The following VPS4A variants were observed in gnomAD, a reference collection of about 807,000 sequenced individuals.
VPS4A encodes the protein vacuolar protein sorting-associated protein 4A.
VPS4A carries 20 observed loss-of-function variants against 52.3 expected under a neutral mutation model. The observed-to-expected ratio is 0.38, with a 90% confidence interval of 0.27 to 0.56. The LOEUF (loss-of-function observed/expected upper bound fraction) is 0.56, where lower values mean the gene tolerates loss of function less well. Ranked by LOEUF, VPS4A falls within the 20% of genes least tolerant of loss-of-function variation. The pLI, the probability that VPS4A is intolerant of heterozygous loss-of-function variation, is 0.72. For synonymous variants in VPS4A, 293 were observed against 227.7 expected (o/e 1.29, Z -2.58); for missense variants, 419 against 575.9 (o/e 0.73, Z 2.79).
rs972089006 is a variant in VPS4A at position 69,321,348 on chromosome 16, G to C, written c.1071+78G>C. Reference sequence around the variant, plus strand: ...TCGGTTTTTTTTTTCCCAGCTCCTGGTCCTGCTCCCCGGCTGCTCAGGTGA... The same window carrying C: ...TCGGTTTTTTTTTTCCCAGCTCCTGCTCCTGCTCCCCGGCTGCTCAGGTGA... On this transcript the variant is annotated intron_variant, in intron 9 of 10. Transcript: ENST00000254950. The surrounding 1 kb of genome is among the most constrained non-coding windows in gnomAD (Gnocchi z 4.5). The C allele has an allele frequency of 3.7e-5, 54 of 1,468,232 alleles. No individual in the cohort carries two copies. Among genetic ancestry groups the C allele is most frequent in the Non-Finnish European group, 4.6e-5 (50 of 1,086,570 alleles). 91.0% of individuals were successfully genotyped at this position (1,468,232 alleles called of 1,614,324 possible).
In VPS4A at chr16:69,318,750, A is replaced by T. The variant is rs533526482; in HGVS notation, c.343+39A>T. 15 of 1,613,150 alleles carry T rather than the reference A, an allele frequency of 9.3e-6. No individual in the cohort carries two copies. The South Asian group carries it at 9.9e-5, about 11-fold the overall frequency. On this transcript the variant is annotated intron_variant, in intron 4 of 10. Transcript: ENST00000254950. ...GGCCCTGTGGCAGCGGCAGGGGATGAGAGTGGGTCCGCTGCTGGGTTGGCT... is the reference window on the plus strand; with the variant it reads ...GGCCCTGTGGCAGCGGCAGGGGATGTGAGTGGGTCCGCTGCTGGGTTGGCT...
intron 1 of VPS4A, among the ~76,000 whole-genome samples, chr16:69,312,760 C>G (rs1464428518): frequency 6.6e-6 from 1 of 151,742 alleles, no homozygotes; most frequent in East Asian, 1.9e-4. Flanking sequence ...TTACGGGCAC[C>G]CGCAACCACG....
At position 69,321,183 on chromosome 16, in the gene VPS4A, C is replaced by A; in HGVS notation, c.984C>A (p.Gly328=). Residue 328 remains glycine (G), a synonymous_variant, in exon 9 of 11, where the codon GGC becomes GGA. Coordinates refer to ENST00000254950, the MANE Select transcript of VPS4A (RefSeq NM_013245.3). This position sits in a 1 kb window ranked among gnomAD's most constrained non-coding sequence, Gnocchi z 4.5. ...ACGAGCTGGCCCGGAAGACGGAAGG[C>A]TACTCGGGCGCGGACATCAGCATCA... The part of the protein sequence containing the change: ...NIHELARKTE[G]YSGADISIIV... 1 of 1,575,318 alleles carries A rather than the reference C, an allele frequency of 6.3e-7. No homozygotes were observed. Among genetic ancestry groups the A allele is most frequent in the South Asian group, 1.2e-5 (1 of 85,512 alleles).
chr16:69,316,037 A>G lies in VPS4A; in HGVS notation c.51A>G (p.Thr17=), dbSNP rs1275396126. 3 of 1,613,604 alleles carry G rather than the reference A, an allele frequency of 1.9e-6. No homozygotes were observed. The highest frequency in any genetic ancestry group is 2.5e-6 in the Non-Finnish European group (3 of 1,179,880). The part of the protein sequence containing the change: ...QKAIDLVTKA[T]EEDKAKNYEE... ...CCATTGATCTGGTGACGAAAGCCAC[A>G]GAGGAGGACAAAGCCAAGAACTACG... Residue 17 remains threonine (T), a synonymous_variant, in exon 2 of 11, where the codon ACA becomes ACG. Transcript: ENST00000254950.
intron 1 of VPS4A, among the ~76,000 whole-genome samples, chr16:69,312,902 G>A (rs1298935011): frequency 2.0e-5 from 3 of 150,340 alleles, no homozygotes; most frequent in Non-Finnish European, 3.0e-5. Flanking sequence ...TGTGAGCCAC[G>A]GGTCTGGCCT....
Position 69,320,922 on chromosome 16 carries a change from T to C in VPS4A, c.852-129T>C. 8.1e-7 allele frequency: 1 copy of C among 1,235,714 alleles called. No individual in the cohort carries two copies. The highest frequency in any genetic ancestry group is 2.5e-5 in the East Asian group (1 of 39,262). The allele number at this position is 1,235,714 out of a possible 1,614,324, so 76.5% of individuals were successfully genotyped here. ...CAGAGCCCTTTGTGAGGCTGGCTTG[T>C]TGAGGATGTGCCGCCAGCATCACTG... On this transcript the variant is annotated intron_variant, in intron 8 of 10. Coordinates refer to ENST00000254950, the MANE Select transcript of VPS4A (RefSeq NM_013245.3). This position sits in a 1 kb window ranked among gnomAD's most constrained non-coding sequence, Gnocchi z 4.2.
chr16:69,322,533 G>GC (rs1204467973), intron 9 of VPS4A, 27 bp from the exon 10 acceptor site: 1 of 1,600,374 alleles, frequency 6.2e-7, no homozygotes, highest in Non-Finnish European at 8.5e-7. Flanking sequence ...AGGGGCAGCT[G>GC]CCCCAGTCAG....
At chr16:69,323,626 C>T (rs908815866) in intron 10 of VPS4A, 2 of 455,950 alleles carry the variant, frequency 4.4e-6, no homozygotes, top group African/African-American at 4.0e-5. Flanking sequence ...AAGGGTCTGC[C>T]CTTGTGGCTG....
intron 6 of VPS4A, 22 bp downstream of exon 6, chr16:69,319,565 GCT>G: frequency 6.2e-7 from 1 of 1,601,878 alleles, no homozygotes. Flanking sequence ...ACCAGGCCAT[GCT>G]CTGCCAGCAG....
chr16:69,314,766 G>A (rs550561229), intron 1 of VPS4A, among the ~76,000 whole-genome samples: 19 of 152,086 alleles, frequency 1.2e-4, no homozygotes, highest in South Asian at 1.0e-3. Context: ...CAAATGCCCC[G>A]GCCCTGCCAA....
chr16:69,319,265 C>T (rs775162640), intron 5 of VPS4A, 122 bp from the exon 6 acceptor site: 6 of 1,403,382 alleles, frequency 4.3e-6, no homozygotes, highest in Non-Finnish European at 9.7e-7. Flanking sequence ...ACTTGTTTGC[C>T]AGTAGAGTCC....
intron 10 of VPS4A, among the ~76,000 whole-genome samples, chr16:69,323,965 AG>A (rs374739219): frequency 2.0e-4 from 30 of 151,072 alleles, no homozygotes; most frequent in Non-Finnish European, 2.8e-4. Context: ...AAAAAAAAAA[AG>A]AAAGCAAGTT....
intron 5 of VPS4A, 128 bp from the exon 6 acceptor site, chr16:69,319,259 G>C: frequency 9.5e-6 from 13 of 1,366,968 alleles, no homozygotes; most frequent in Non-Finnish European, 1.3e-5. Context: ...CCCATCACTT[G>C]TTTGCCAGTA....
intron 1 of VPS4A, among the ~76,000 whole-genome samples, chr16:69,313,343 C>G (rs1213099387): frequency 6.6e-6 from 1 of 152,058 alleles, no homozygotes; most frequent in Non-Finnish European, 1.5e-5. Context: ...GGTTGTGTGA[C>G]CATCACCATA....
At chr16:69,313,864 C>A (rs1424414809) in intron 1 of VPS4A, among the ~76,000 whole-genome samples, 2 of 152,022 alleles carry the variant, frequency 1.3e-5, no homozygotes, top group African/African-American at 4.8e-5. Flanking sequence ...ACTAGAGATG[C>A]GGCGGGGCTG....
intron 3 of VPS4A, among the ~76,000 whole-genome samples, chr16:69,317,385 T>C (rs896676394): frequency 6.6e-6 from 1 of 152,064 alleles, no homozygotes; most frequent in African/African-American, 2.4e-5. Context: ...GTGCGGGGCA[T>C]GGTGGCTCAC....
chr16:69,323,583 T>C, intron 10 of VPS4A: 1 of 454,270 alleles, frequency 2.2e-6, no homozygotes, highest in Non-Finnish European at 4.4e-6. Flanking sequence ...AGGCAGCGCC[T>C]CACCTGCATA....
intron 1 of VPS4A, among the ~76,000 whole-genome samples, chr16:69,314,133 C>T (rs1194420419): frequency 6.6e-6 from 1 of 151,654 alleles, no homozygotes; most frequent in Non-Finnish European, 1.5e-5. Context: ...ACCCGGCTAA[C>T]TTTTTGTATT....
At chr16:69,322,426 T>A (rs558225710) in intron 9 of VPS4A, 134 bp from the exon 10 acceptor site, 1 of 995,434 alleles carries the variant, frequency 1.0e-6, no homozygotes, top group East Asian at 2.8e-5. Context: ...CAGCCCGAGT[T>A]CTGAAGGAGC....
Sources: allele counts gnomAD v4.1 joint callset (sites outside exome capture counted in the v4.1 genomes callset), GRCh38; gene constraint gnomAD v4.1.1; non-coding constraint Gnocchi (gnomAD v3.1); transcripts MANE v1.5; gene names NCBI Gene and HGNC (gene_info 2026-07-23, HGNC 2026-07-21).